RASGRF2: variants seen among roughly 807,000 people sequenced by gnomAD.
RASGRF2 encodes the protein Ras protein specific guanine nucleotide releasing factor 2.
A neutral mutation model predicts 151.0 loss-of-function variants in RASGRF2; 76 were observed. The observed-to-expected ratio is 0.50, with a 90% CI of 0.42 to 0.61. RASGRF2 has a LOEUF of 0.61. Among genes scored for constraint, RASGRF2 ranks in the 20% least tolerant of loss-of-function variants. The pLI, the probability that RASGRF2 is intolerant of heterozygous loss-of-function variation, is 0.00. For synonymous variants in RASGRF2, 504 were observed against 566.5 expected (o/e 0.89, Z 1.57); for missense variants, 1,148 against 1,564.6 (o/e 0.73, Z 4.49).
intron 23 of RASGRF2, among the ~76,000 whole-genome samples, chr5:81,214,969 T>C (rs752178710): frequency 6.6e-6 from 1 of 152,222 alleles, no homozygotes; most frequent in Admixed American, 6.5e-5. Context: ...TAACCAAACA[T>C]GTGCTTTAGT....
chr5:81,133,251 C>T (rs906453153), intron 17 of RASGRF2, among the ~76,000 whole-genome samples: 1 of 152,144 alleles, frequency 6.6e-6, no homozygotes, highest in Non-Finnish European at 1.5e-5. Context: ...ATTGCCACCC[C>T]GATTTCCTTT....
At chr5:81,025,083 C>T (rs1291113665) in intron 1 of RASGRF2, among the ~76,000 whole-genome samples, 2 of 152,162 alleles carry the variant, frequency 1.3e-5, no homozygotes, top group Non-Finnish European at 2.9e-5. Flanking sequence ...TCTCCTCTGC[C>T]CAGTCTCCTA....
chr5:81,027,194 T>C (rs957337753), intron 1 of RASGRF2, among the ~76,000 whole-genome samples: 13 of 150,744 alleles, frequency 8.6e-5, no homozygotes, highest in African/African-American at 3.2e-4. Flanking sequence ...TGCATGACTT[T>C]GTACATTTGT....
At chr5:81,000,007 AC>A (rs755602416) in intron 1 of RASGRF2, among the ~76,000 whole-genome samples, 1 of 152,026 alleles carries the variant, frequency 6.6e-6, no homozygotes, top group Non-Finnish European at 1.5e-5. Context: ...GATATCTGGG[AC>A]CTCTGCTGGG....
chr5:80,998,759 G>T (rs1363828122), intron 1 of RASGRF2, among the ~76,000 whole-genome samples: 1 of 152,180 alleles, frequency 6.6e-6, no homozygotes, highest in Non-Finnish European at 1.5e-5. Context: ...TCAGCAGACA[G>T]CCAGGCTTGG....
chr5:81,079,435 G>C (rs1195197730), intron 5 of RASGRF2, among the ~76,000 whole-genome samples: 1 of 152,224 alleles, frequency 6.6e-6, no homozygotes, highest in Non-Finnish European at 1.5e-5. Flanking sequence ...GAACGGTTCT[G>C]TATTTGATTG....
intron 1 of RASGRF2, among the ~76,000 whole-genome samples, chr5:80,996,516 CCT>C (rs1561544832): frequency 2.1e-5 from 1 of 48,322 alleles, no homozygotes; most frequent in Non-Finnish European, 4.1e-5. Flanking sequence ...TCCTCCTCCT[CCT>C]CCCCCTCCTC....
At chr5:81,069,330 A>T (rs1036200738) in intron 3 of RASGRF2, among the ~76,000 whole-genome samples, 1 of 152,236 alleles carries the variant, frequency 6.6e-6, no homozygotes, top group Non-Finnish European at 1.5e-5. Flanking sequence ...TTCGACCCTG[A>T]TATGTGATAT....
chr5:81,189,801 T>A (rs1159703895), intron 18 of RASGRF2, among the ~76,000 whole-genome samples: 1 of 144,512 alleles, frequency 6.9e-6, no homozygotes, highest in African/African-American at 2.5e-5. Flanking sequence ...AACCTACACC[T>A]CCCAGGTTCA....
intron 5 of RASGRF2, 60 bp downstream of exon 5, chr5:81,073,512 A>T: frequency 6.6e-7 from 1 of 1,513,612 alleles, no homozygotes; most frequent in Middle Eastern, 1.8e-4. Flanking sequence ...TCCAACAAGA[A>T]TTTTTACTTA....
At chr5:81,102,643 C>T (rs1391275314) in intron 12 of RASGRF2, among the ~76,000 whole-genome samples, 2 of 150,038 alleles carry the variant, frequency 1.3e-5, no homozygotes, top group East Asian at 2.0e-4. Context: ...TGCAGTGAGC[C>T]GAGATCATGC....
At chr5:81,146,993 T>C (rs1198441928) in intron 17 of RASGRF2, among the ~76,000 whole-genome samples, 4 of 152,074 alleles carry the variant, frequency 2.6e-5, no homozygotes, top group African/African-American at 9.7e-5. Flanking sequence ...AGTACAAGAG[T>C]AGAAGGCATT....
At chr5:80,992,994 A>C (rs1479283942) in intron 1 of RASGRF2, among the ~76,000 whole-genome samples, 3 of 152,232 alleles carry the variant, frequency 2.0e-5, no homozygotes, top group Non-Finnish European at 4.4e-5. Flanking sequence ...TGAGACTCGA[A>C]AGAAACACCT....
At chr5:81,096,368 CTT>C (rs894682150) in intron 12 of RASGRF2, 10 of 152,320 alleles carry the variant, frequency 6.6e-5, no homozygotes, top group African/African-American at 2.4e-4. Flanking sequence ...TTCATTGACT[CTT>C]TGAACATTTA....
chr5:81,080,314 G>C lies in RASGRF2; in HGVS notation c.967+114G>C, dbSNP rs181657461. 3.1e-5 allele frequency: 47 copies of C among 1,506,486 alleles called. No individual in the cohort carries two copies. The African/African-American group carries it at 6.0e-4, about 19-fold the overall frequency. The allele number at this position is 1,506,486 out of a possible 1,614,324, so 93.3% of individuals were successfully genotyped here. ...TTTGCATCACCCTGTTGACCTGTGAGCTTCTGTATCCCGGGACCCTGTCTC... is the reference window on the plus strand; with the variant it reads ...TTTGCATCACCCTGTTGACCTGTGACCTTCTGTATCCCGGGACCCTGTCTC... On this transcript the variant is annotated intron_variant, in intron 6 of 26. Transcript: ENST00000265080.
chr5:81,168,714 T>G (rs1029070226), intron 17 of RASGRF2, among the ~76,000 whole-genome samples: 1 of 152,192 alleles, frequency 6.6e-6, no homozygotes, highest in Non-Finnish European at 1.5e-5. Context: ...ATGTCTCCAC[T>G]TCATCACCTT....
chr5:80,989,396 G>A (rs566675447), intron 1 of RASGRF2, among the ~76,000 whole-genome samples: 28 of 152,318 alleles, frequency 1.8e-4, no homozygotes, highest in South Asian at 8.3e-4. Context: ...GGTACCAGAT[G>A]TTAAAAGAAT....
intron 5 of RASGRF2, among the ~76,000 whole-genome samples, chr5:81,077,688 T>C (rs1240229066): frequency 6.6e-6 from 1 of 152,184 alleles, no homozygotes; most frequent in African/African-American, 2.4e-5. Context: ...AGTCACCAAG[T>C]GTGCAGTTTC....
At chr5:81,178,249 CA>C (rs1431300377) in intron 17 of RASGRF2, among the ~76,000 whole-genome samples, 1 of 152,074 alleles carries the variant, frequency 6.6e-6, no homozygotes, top group Non-Finnish European at 1.5e-5. Flanking sequence ...ATTTATATAG[CA>C]GATAAAATTA....
Sources: gnomAD v4.1 joint callset for allele counts (sites outside exome capture counted in the v4.1 genomes callset) on GRCh38, gnomAD v4.1.1 for gene constraint, MANE v1.5 for transcripts, NCBI Gene and HGNC (gene_info 2026-07-23, HGNC 2026-07-21) for gene names.